FSTL4: variants seen among roughly 807,000 people sequenced by gnomAD.
FSTL4 encodes the protein follistatin like 4.
FSTL4 carries 28 observed loss-of-function variants against 78.2 expected under a neutral mutation model. The ratio of observed to expected loss-of-function variants is 0.36; its 90% CI spans 0.27 to 0.49. The LOEUF (loss-of-function observed/expected upper bound fraction) is 0.49. FSTL4 is among the 20% of genes least tolerant of loss of function. The pLI is 0.98. For synonymous variants in FSTL4, 422 were observed against 440.5 expected, an observed-to-expected ratio of 0.96 and a Z score of 0.53; for missense variants, 922 against 1,084.9, an observed-to-expected ratio of 0.85 and a Z score of 2.11.
the FSTL4 span, among the ~76,000 whole-genome samples, chr5:133,816,221 G>A: frequency 7.2e-5 from 11 of 152,320 alleles, no homozygotes; most frequent in East Asian, 1.9e-3. Flanking sequence ...GAGGGCACAT[G>A]GTAGAGTGGA....
At chr5:133,402,524 T>C (rs1197626613) in intron 3 of FSTL4, among the ~76,000 whole-genome samples, 1 of 152,086 alleles carries the variant, frequency 6.6e-6, no homozygotes, top group Non-Finnish European at 1.5e-5. Context: ...AGAATGGCCC[T>C]AGTAATCATG....
chr5:133,211,822 T>C (rs1033262828), intron 13 of FSTL4, among the ~76,000 whole-genome samples: 3 of 152,168 alleles, frequency 2.0e-5, no homozygotes, highest in African/African-American at 7.2e-5. Context: ...CTCTATACTC[T>C]GATGACTCTA....
intron 3 of FSTL4, among the ~76,000 whole-genome samples, chr5:133,508,729 G>C (rs543317257): frequency 4.6e-5 from 7 of 152,330 alleles, no homozygotes; most frequent in African/African-American, 1.7e-4. Context: ...ATCTGTGGAA[G>C]TCCTGAAACC....
chr5:133,363,697 C>A (rs1031541932), intron 4 of FSTL4, among the ~76,000 whole-genome samples: 2 of 152,164 alleles, frequency 1.3e-5, no homozygotes, highest in Non-Finnish European at 2.9e-5. Flanking sequence ...CAGGATGAAA[C>A]CTGGGCTGAG....
chr5:133,804,554 A>C, the FSTL4 span, among the ~76,000 whole-genome samples: 1 of 152,220 alleles, frequency 6.6e-6, no homozygotes, highest in Non-Finnish European at 1.5e-5. Flanking sequence ...GCCATGAAAC[A>C]GTCTGATTCC....
chr5:133,358,745 G>A (rs1346160906), intron 4 of FSTL4, among the ~76,000 whole-genome samples: 11 of 151,744 alleles, frequency 7.2e-5, no homozygotes, highest in African/African-American at 2.2e-4. Context: ...GATTACAGGC[G>A]CCCGCCACCA....
chr5:133,264,743 C>T (rs947595367), intron 6 of FSTL4, among the ~76,000 whole-genome samples: 2 of 152,222 alleles, frequency 1.3e-5, no homozygotes, highest in African/African-American at 4.8e-5. Context: ...AGAACCCTAT[C>T]ATGTCATGTA....
the FSTL4 span, among the ~76,000 whole-genome samples, chr5:133,754,031 C>G: frequency 6.6e-6 from 1 of 152,166 alleles, no homozygotes; most frequent in African/African-American, 2.4e-5. Context: ...AGGCAGGAAG[C>G]TCTGCTGTAC....
chr5:133,590,008 A>G (rs1384817031), intron 2 of FSTL4, among the ~76,000 whole-genome samples: 1 of 152,228 alleles, frequency 6.6e-6, no homozygotes, highest in Non-Finnish European at 1.5e-5. Flanking sequence ...GGCAAAATGA[A>G]AGCTGTTTAT....
the FSTL4 span, among the ~76,000 whole-genome samples, chr5:133,631,726 T>C: frequency 2.0e-5 from 3 of 152,306 alleles, no homozygotes; most frequent in East Asian, 5.8e-4. Flanking sequence ...CTATTCACAA[T>C]AGCAAATACT....
intron 3 of FSTL4, among the ~76,000 whole-genome samples, chr5:133,420,890 G>A (rs549521470): frequency 6.6e-6 from 1 of 152,230 alleles, no homozygotes; most frequent in Non-Finnish European, 1.5e-5. Context: ...TGTTCTATAC[G>A]AGAAGGGTGA....
chr5:133,695,233 G>T, the FSTL4 span, among the ~76,000 whole-genome samples: 11 of 152,132 alleles, frequency 7.2e-5, no homozygotes, highest in African/African-American at 2.7e-4. Flanking sequence ...CAGCAATGAA[G>T]CTTCGCTAGC....
At chr5:133,218,943 G>A (rs1399975739) in intron 12 of FSTL4, among the ~76,000 whole-genome samples, 2 of 152,232 alleles carry the variant, frequency 1.3e-5, no homozygotes, top group Non-Finnish European at 2.9e-5. Context: ...TACAGTGCCT[G>A]GCACAGAGTC....
At chr5:133,258,640 C>T (rs552415667) in intron 6 of FSTL4, among the ~76,000 whole-genome samples, 1 of 152,292 alleles carries the variant, frequency 6.6e-6, no homozygotes, top group Non-Finnish European at 1.5e-5. Flanking sequence ...GGAGGTCATG[C>T]ATTTGATGAG....
At chr5:133,594,843 G>C (rs1416834043) in intron 2 of FSTL4, among the ~76,000 whole-genome samples, 1 of 152,244 alleles carries the variant, frequency 6.6e-6, no homozygotes, top group Non-Finnish European at 1.5e-5. Context: ...TTAAATGATA[G>C]CAGAGCTCAA....
At chr5:133,616,610 C>G (rs1761204704), upstream of FSTL4, among the ~76,000 whole-genome samples, 1 of 152,074 alleles carries the variant, frequency 6.6e-6, no homozygotes, top group Non-Finnish European at 1.5e-5. Flanking sequence ...CTATGTTGCC[C>G]AGGCTGGTCT....
intron 5 of FSTL4, among the ~76,000 whole-genome samples, chr5:133,313,517 C>T (rs1213744074): frequency 1.3e-5 from 2 of 152,142 alleles, no homozygotes; most frequent in Admixed American, 1.3e-4. Flanking sequence ...TCTAGGCACC[C>T]TCACTCAGCT....
At chr5:133,360,252 G>A (rs979225950) in intron 4 of FSTL4, among the ~76,000 whole-genome samples, 3 of 152,150 alleles carry the variant, frequency 2.0e-5, no homozygotes, top group Admixed American at 1.3e-4. Context: ...CCAGCACCTC[G>A]CTGTTCCTTG....
intron 3 of FSTL4, among the ~76,000 whole-genome samples, chr5:133,441,213 G>T (rs1757153412): frequency 6.6e-6 from 1 of 152,086 alleles, no homozygotes. Flanking sequence ...TGGGAGATGG[G>T]GCAGGATGCC....
Sources: allele counts gnomAD v4.1 joint callset (sites outside exome capture counted in the v4.1 genomes callset), GRCh38; gene constraint gnomAD v4.1.1; transcripts MANE v1.5; gene names NCBI Gene and HGNC (gene_info 2026-07-23, HGNC 2026-07-21).